The following GPNMB variants were observed in gnomAD, a reference collection of about 807,000 sequenced individuals.
The protein encoded by GPNMB is transmembrane glycoprotein NMB.
Under a neutral mutation model 57.3 loss-of-function variants are expected in GPNMB, and 71 were observed. The ratio of observed to expected loss-of-function variants is 1.24; its 90% CI spans 1.02 to 1.51. GPNMB has a LOEUF of 1.51. Ranked by LOEUF, GPNMB falls within the 40% of genes most tolerant of loss-of-function variation. The pLI, the probability that GPNMB is intolerant of heterozygous loss-of-function variation, is 0.00. For missense variants in GPNMB, 677 were observed against 691.9 expected, an observed-to-expected ratio of 0.98 and a Z score of 0.24; for synonymous variants, 253 against 263.2, an observed-to-expected ratio of 0.96 and a Z score of 0.38.
intron 3 of GPNMB, among the ~76,000 whole-genome samples, chr7:23,256,158 G>A (rs535555349): frequency 5.9e-5 from 9 of 152,156 alleles, no homozygotes; most frequent in East Asian, 3.9e-4. Context: ...CGCCCATCTC[G>A]GCCTCCCAAA....
At chr7:23,252,614 A>G (rs1782686159) in intron 1 of GPNMB, among the ~76,000 whole-genome samples, 1 of 152,250 alleles carries the variant, frequency 6.6e-6, no homozygotes, top group Admixed American at 6.5e-5. Flanking sequence ...AAATACATAC[A>G]GCAAAAACTG....
intron 4 of GPNMB, among the ~76,000 whole-genome samples, chr7:23,258,796 C>A (rs10085838): frequency 0.35 from 53,321 of 152,082 alleles, 9,603 homozygotes; most frequent in Middle Eastern, 0.41. Flanking sequence ...TGCATCTCAA[C>A]GTGAAGGAGG....
At chr7:23,248,335 C>G (rs1583810423) in intron 1 of GPNMB, among the ~76,000 whole-genome samples, 1 of 152,122 alleles carries the variant, frequency 6.6e-6, no homozygotes, top group African/African-American at 2.4e-5. Flanking sequence ...TATTATTCCA[C>G]CCTCTTTCAC....
chr7:23,266,358 T>C (rs76375148), intron 6 of GPNMB, 159 bp from the exon 7 acceptor site: 8,801 of 653,674 alleles, frequency 0.013, 404 homozygotes, highest in African/African-American at 0.12. Flanking sequence ...GTGTAAATTA[T>C]GACACATTTA....
chr7:23,247,975 G>C (rs1165972642), intron 1 of GPNMB: 2 of 152,258 alleles, frequency 1.3e-5, no homozygotes, highest in Non-Finnish European at 2.9e-5. Flanking sequence ...CAAGGAACTC[G>C]CCCCAAGCCA....
rs149547294 is a variant in GPNMB, at chr7:23,260,065, A to T, written c.627A>T (p.Glu209Asp). The T allele has an allele frequency of 2.4e-5, 39 of 1,614,074 alleles. No homozygotes were observed. Among genetic ancestry groups the T allele is most frequent in the Non-Finnish European group, 2.9e-5 (34 of 1,179,922 alleles). ...ANVTLGPQLM[E>D]VTVYRRHGRA... ...TGACACTTGGGCCTCAACTCATGGA[A>T]GTGACTGTCTACAGAAGACATGGAC... Residue 209 changes from glutamate (E) to aspartate (D), a missense_variant, in exon 5 of 11, where the codon GAA (glutamate) becomes GAT (aspartate). Transcript: ENST00000258733.
At chr7:23,265,436 T>A (rs956193931) in intron 6 of GPNMB, among the ~76,000 whole-genome samples, 2 of 152,182 alleles carry the variant, frequency 1.3e-5, no homozygotes, top group African/African-American at 2.4e-5. Context: ...GGAGCAGCGA[T>A]GTCTTAATTA....
chr7:23,260,499 A>C lies in GPNMB; in HGVS notation c.744A>C (p.Arg248=), dbSNP rs372319725. 9.3e-6 allele frequency: 15 copies of C among 1,613,874 alleles called. No homozygotes were observed. The African/African-American group carries it at 1.6e-4, about 17-fold the overall frequency. ...VFVTMFQKND[R]NSSDETFLKD... ...TGACTATGTTCCAGAAGAACGATCG[A>C]AATTCATCCGACGAAACCTTCCTCA... Residue 248 remains arginine (R), a synonymous_variant, in exon 6 of 11, where the codon CGA becomes CGC. Transcript: ENST00000258733.
intron 4 of GPNMB, 64 bp from the exon 5 acceptor site, chr7:23,259,916 G>C (rs377508348): frequency 6.7e-7 from 1 of 1,500,678 alleles, no homozygotes; most frequent in East Asian, 2.3e-5. Flanking sequence ...TAGTCTTTAA[G>C]GAACAGCTTC....
At chr7:23,253,211 T>C in intron 1 of GPNMB, 96 bp from the exon 2 acceptor site, 1 of 1,015,540 alleles carries the variant, frequency 9.8e-7, no homozygotes. Flanking sequence ...ATATATTATG[T>C]ATGTGCTTTT....
intron 6 of GPNMB, among the ~76,000 whole-genome samples, chr7:23,265,633 C>G (rs574088022): frequency 1.1e-4 from 17 of 152,100 alleles, no homozygotes; most frequent in African/African-American, 3.6e-4. Context: ...TGATCTTTTC[C>G]CATATTACTG....
Position 23,274,429 on chromosome 7 carries a change from T to C in GPNMB, c.*205T>C, listed in dbSNP as rs1783287770. On this transcript the variant is annotated 3_prime_UTR_variant, in exon 11 of 11. Coordinates refer to ENST00000258733, the MANE Select transcript of GPNMB (RefSeq NM_002510.3). ...AGCTTCAGCCATGTTGTGAAACTGA[T>C]AAAAGCAACTTAGCAAGGCTTCTTT... 1 of 469,310 alleles carries C rather than the reference T, an allele frequency of 2.1e-6. No individual in the cohort carries two copies. The highest frequency in any genetic ancestry group is 3.5e-5 in the South Asian group (1 of 28,316). 29.1% of individuals were successfully genotyped at this position (469,310 alleles called of 1,614,324 possible). A position where few individuals can be genotyped will look rare whatever the true frequency, so the allele number is the denominator to read the frequency against.
intron 4 of GPNMB, among the ~76,000 whole-genome samples, chr7:23,259,277 G>A (rs111311584): frequency 7.2e-4 from 110 of 152,198 alleles, no homozygotes; most frequent in African/African-American, 2.6e-3. Flanking sequence ...TCCCCGCTCC[G>A]GGTTTAACCA....
intron 1 of GPNMB, chr7:23,250,961 T>C (rs1441297275): frequency 6.6e-6 from 1 of 152,186 alleles, no homozygotes; most frequent in East Asian, 1.9e-4. Context: ...CTCAAGTGAA[T>C]TTCCAATTAC....
chr7:23,256,486 G>A (rs1782781162), intron 3 of GPNMB, among the ~76,000 whole-genome samples: 1 of 152,162 alleles, frequency 6.6e-6, no homozygotes, highest in East Asian at 1.9e-4. Context: ...TCTTAGACAT[G>A]TGTGCCGGAG....
chr7:23,273,298 C>A (rs1783254906), intron 9 of GPNMB: 3 of 498,324 alleles, frequency 6.0e-6, no homozygotes, highest in South Asian at 5.3e-5. Flanking sequence ...CATCTCTCCC[C>A]CGCGCCCTTA....
chr7:23,271,832 A>T (rs540001912), intron 9 of GPNMB, among the ~76,000 whole-genome samples: 5 of 152,242 alleles, frequency 3.3e-5, no homozygotes, highest in East Asian at 3.8e-4. Context: ...TAAAAAAAAA[A>T]TTTTCTCATT....
intron 3 of GPNMB, among the ~76,000 whole-genome samples, 158 bp from the exon 4 acceptor site, chr7:23,256,734 T>C (rs1782786788): frequency 6.6e-6 from 1 of 152,274 alleles, no homozygotes; most frequent in African/African-American, 2.4e-5. Flanking sequence ...GTCATAAGCA[T>C]ACTATTGGAT....
intron 6 of GPNMB, among the ~76,000 whole-genome samples, chr7:23,261,864 T>C (rs1435485497): frequency 1.3e-5 from 2 of 152,176 alleles, no homozygotes; most frequent in Admixed American, 6.5e-5. Context: ...ATATTAATAG[T>C]CTGGGGACAT....
Sources: allele counts gnomAD v4.1 joint callset (sites outside exome capture counted in the v4.1 genomes callset), GRCh38; gene constraint gnomAD v4.1.1; transcripts MANE v1.5; gene names NCBI Gene and HGNC (gene_info 2026-07-23, HGNC 2026-07-21).